The following CCDC25 variants were observed in gnomAD, a reference collection of about 807,000 sequenced individuals.
CCDC25 encodes the protein coiled-coil domain containing 25, also known as coiled-coil domain-containing protein 25.
In CCDC25, 16 loss-of-function variants were observed where a neutral mutation model predicts 35.3. That is an observed-to-expected ratio of 0.45 (90% confidence interval 0.31 to 0.69). The LOEUF is 0.69. Ranked by LOEUF, CCDC25 falls within the 30% of genes least tolerant of loss-of-function variation. The probability of loss-of-function intolerance (pLI) is 0.06; values close to 1 mark genes in which losing one functional copy is unlikely to be tolerated. For synonymous variants in CCDC25, 79 were observed against 80.3 expected (o/e 0.98, Z 0.09); for missense variants, 179 against 250.7 (o/e 0.71, Z 1.93).
chr8:27,752,610 T>A (rs1282101340), intron 4 of CCDC25, 23 bp from the exon 5 acceptor site: 2 of 1,575,978 alleles, frequency 1.3e-6, no homozygotes, highest in Non-Finnish European at 1.7e-6. Context: ...AATAAACCAA[T>A]TGGTCCACTA....
At chr8:27,761,554 T>G (rs1038364507) in intron 3 of CCDC25, among the ~76,000 whole-genome samples, 1 of 152,208 alleles carries the variant, frequency 6.6e-6, no homozygotes, top group Non-Finnish European at 1.5e-5. Flanking sequence ...TGCCTTTATC[T>G]TCAGGGATAG....
chr8:27,759,854 G>A (rs574127475), intron 3 of CCDC25, among the ~76,000 whole-genome samples: 1 of 150,978 alleles, frequency 6.6e-6, no homozygotes, highest in East Asian at 2.0e-4. Flanking sequence ...GCTTAAAGGA[G>A]CCTCAGGAGG....
intron 1 of CCDC25, among the ~76,000 whole-genome samples, chr8:27,766,747 C>A (rs1180931556): frequency 3.3e-5 from 5 of 151,704 alleles, no homozygotes; most frequent in African/African-American, 1.2e-4. Context: ...TTTTTACAAC[C>A]TAAACATCCC....
At chr8:27,770,984 C>T (rs572521403) in intron 1 of CCDC25, among the ~76,000 whole-genome samples, 4 of 152,230 alleles carry the variant, frequency 2.6e-5, no homozygotes, top group South Asian at 2.1e-4. Flanking sequence ...ACACTGAATT[C>T]CATATATAAA....
intron 8 of CCDC25, among the ~76,000 whole-genome samples, chr8:27,738,963 T>C (rs1338270909): frequency 6.6e-6 from 1 of 152,204 alleles, no homozygotes; most frequent in Non-Finnish European, 1.5e-5. Context: ...ATTTACAAAG[T>C]AGGTCAAGGA....
intron 3 of CCDC25, among the ~76,000 whole-genome samples, chr8:27,760,417 G>C (rs533783728): frequency 9.3e-4 from 142 of 152,310 alleles, no homozygotes; most frequent in African/African-American, 3.2e-3. Flanking sequence ...TCCCATGAGA[G>C]TCTGGAGATC....
chr8:27,760,394 C>T (rs554456063), intron 3 of CCDC25, among the ~76,000 whole-genome samples: 1 of 152,306 alleles, frequency 6.6e-6, no homozygotes, highest in South Asian at 2.1e-4. Flanking sequence ...CTAACAGGTG[C>T]AGCCATTCTT....
In CCDC25 at chr8:27,737,922, A is replaced by G. The variant is rs576617713; in HGVS notation, c.598-1677T>C. ...CACACACACACACACACAAAGGAAT[A>G]CTATGCAGCTATAAAAAGGAATATA... On this transcript the variant is annotated intron_variant, in intron 8 of 8. Coordinates refer to ENST00000356537, the MANE Select transcript of CCDC25 (RefSeq NM_018246.3). The surrounding 1 kb of genome is among the most constrained non-coding windows in gnomAD (Gnocchi z 4.6). Among the ~76,000 whole-genome samples, 16 of 151,012 alleles carry G rather than the reference A, an allele frequency of 1.1e-4. 1 individual carries two copies. The South Asian group carries it at 3.4e-3, about 32-fold the overall frequency.
At chr8:27,770,133 G>A (rs1804539148) in intron 1 of CCDC25, among the ~76,000 whole-genome samples, 1 of 152,084 alleles carries the variant, frequency 6.6e-6, no homozygotes, top group African/African-American at 2.4e-5. Flanking sequence ...GACAGAGGGA[G>A]ACTCCATCTC....
chr8:27,742,146 T>G (rs1280106197), intron 7 of CCDC25, among the ~76,000 whole-genome samples: 2 of 152,168 alleles, frequency 1.3e-5, no homozygotes, highest in Non-Finnish European at 1.5e-5. Flanking sequence ...CATGCCGCAT[T>G]TGAAGTCATA....
chr8:27,751,488 G>A (rs1377661551), intron 5 of CCDC25, among the ~76,000 whole-genome samples: 5 of 152,222 alleles, frequency 3.3e-5, no homozygotes, highest in African/African-American at 9.6e-5. Flanking sequence ...GGTGTGGGAA[G>A]CGCAGTCGGG....
intron 3 of CCDC25, among the ~76,000 whole-genome samples, chr8:27,760,009 T>C (rs1804169284): frequency 6.6e-6 from 1 of 152,028 alleles, no homozygotes; most frequent in African/African-American, 2.4e-5. Context: ...ATGTCCAAAA[T>C]TGACAGCTGG....
chr8:27,738,712 T>C (rs977647759), intron 8 of CCDC25, among the ~76,000 whole-genome samples: 1 of 152,096 alleles, frequency 6.6e-6, no homozygotes. Flanking sequence ...CATGAAATAA[T>C]ATGGGGGCTA....
At chr8:27,770,188 T>C (rs1804542474) in intron 1 of CCDC25, among the ~76,000 whole-genome samples, 1 of 152,150 alleles carries the variant, frequency 6.6e-6, no homozygotes, top group Admixed American at 6.5e-5. Context: ...CCTTTTGTAA[T>C]TCCAGCACTT....
At chr8:27,742,878 A>G (rs12681592) in intron 7 of CCDC25, among the ~76,000 whole-genome samples, 66,011 of 151,978 alleles carry the variant, frequency 0.43, 14,606 homozygotes, top group East Asian at 0.63. Flanking sequence ...AAAACAAAAC[A>G]AAACAAAAAA....
chr8:27,740,828 C>G (rs1269637849), intron 7 of CCDC25, among the ~76,000 whole-genome samples: 1 of 152,176 alleles, frequency 6.6e-6, no homozygotes, highest in Admixed American at 6.5e-5. Context: ...GGAAATTCAC[C>G]TACAGCCAAG....
At chr8:27,748,827 T>C (rs1198934212) in intron 5 of CCDC25, among the ~76,000 whole-genome samples, 1 of 152,184 alleles carries the variant, frequency 6.6e-6, no homozygotes, top group Non-Finnish European at 1.5e-5. Flanking sequence ...AGTCCATGGA[T>C]TAGCTTCAGG....
In CCDC25 at chr8:27,744,395, G is replaced by A. The variant is rs1803537907; in HGVS notation, c.551+3682C>T. 2.6e-5 allele frequency among the ~76,000 whole-genome samples: 4 copies of A among 152,276 alleles called. No individual in the cohort carries two copies. The South Asian group carries it at 8.3e-4, about 32-fold the overall frequency. ...AAGGATGCACGATTGCTTCCCTGAA[G>A]GACCTCACAGGTAACACGAAGAGGC... On this transcript the variant is annotated intron_variant, in intron 7 of 8. Coordinates refer to ENST00000356537, the MANE Select transcript of CCDC25 (RefSeq NM_018246.3).
rs1019394721 is a variant in CCDC25 at position 27,735,144 on chromosome 8, C to T, written c.*1072G>A. 6.6e-6 allele frequency: 1 copy of T among 152,618 alleles called. No homozygotes were observed. The highest frequency in any genetic ancestry group is 1.5e-5 in the Non-Finnish European group (1 of 68,046). The allele number at this position is 152,618 out of a possible 1,614,324, so 9.5% of individuals were successfully genotyped here. On this transcript the variant is annotated 3_prime_UTR_variant, in exon 9 of 9. Coordinates refer to ENST00000356537, the MANE Select transcript of CCDC25 (RefSeq NM_018246.3). The stretch of plus-strand genomic sequence containing the variant: ...CAGACACATACACAAAACCACTCAT[C>T]TCTAAAGTCATTTTCTATACCCTCT...
Sources: gnomAD v4.1 joint callset for allele counts (sites outside exome capture counted in the v4.1 genomes callset) on GRCh38, gnomAD v4.1.1 for gene constraint, Gnocchi (gnomAD v3.1) non-coding constraint, MANE v1.5 for transcripts, NCBI Gene and HGNC (gene_info 2026-07-23, HGNC 2026-07-21) for gene names.